The following AVEN variants were observed in gnomAD, a reference collection of about 807,000 sequenced individuals.
AVEN encodes the protein apoptosis and caspase activation inhibitor.
Under a neutral mutation model 38.1 loss-of-function variants are expected in AVEN, and 41 were observed. That is an observed-to-expected ratio of 1.08 (90% CI 0.84 to 1.40). The LOEUF (loss-of-function observed/expected upper bound fraction) is 1.40. AVEN is among the 40% of genes most tolerant of loss of function. The probability of loss-of-function intolerance (pLI) is 0.00; values close to 1 mark genes in which losing one functional copy is unlikely to be tolerated. For missense variants in AVEN, 605 were observed against 438.8 expected, an observed-to-expected ratio of 1.38 and a Z score of -3.38; for synonymous variants, 206 against 171.8, an observed-to-expected ratio of 1.20 and a Z score of -1.56.
intron 2 of AVEN, among the ~76,000 whole-genome samples, chr15:33,983,284 A>AT (rs1324936082): frequency 5.9e-5 from 9 of 151,514 alleles, no homozygotes; most frequent in African/African-American, 2.2e-4. Flanking sequence ...ATGACAAAAG[A>AT]TAAAATAAGC....
At chr15:33,948,101 C>CT (rs149409619) in intron 2 of AVEN, among the ~76,000 whole-genome samples, 16,098 of 139,460 alleles carry the variant, frequency 0.12, 1,302 homozygotes, top group South Asian at 0.25. Flanking sequence ...TTTTTCTTTT[C>CT]TTTTTTTTTT....
At chr15:33,997,304 T>A (rs586062) in intron 2 of AVEN, among the ~76,000 whole-genome samples, 145,453 of 152,168 alleles carry the variant, frequency 0.96, 69,864 homozygotes, top group East Asian at 1. Context: ...TCAAGACTAC[T>A]TTTTTTTTAA....
chr15:34,033,937 G>A (rs2684939), intron 1 of AVEN, among the ~76,000 whole-genome samples: 70,420 of 151,832 alleles, frequency 0.46, 19,523 homozygotes, highest in Non-Finnish European at 0.62. Context: ...ACAGGTGCGC[G>A]CCACCATGCC....
chr15:33,860,703 C>A (rs545747188), intron 11 of AVEN: 7 of 1,338,636 alleles, frequency 5.2e-6, no homozygotes, highest in South Asian at 2.6e-5. Flanking sequence ...TTTTAATATC[C>A]CCAGAAGCAA....
intron 3 of AVEN, among the ~76,000 whole-genome samples, chr15:33,874,333 C>G (rs1020766443): frequency 2.0e-5 from 3 of 152,276 alleles, no homozygotes; most frequent in Middle Eastern, 3.4e-3. Context: ...ACTGCTGGTA[C>G]TAACTAGCCC....
At chr15:33,864,622 C>G (rs1168654755), downstream of AVEN, 1 of 173,308 alleles carries the variant, frequency 5.8e-6, no homozygotes, top group East Asian at 1.6e-4. Flanking sequence ...AAGGATGTGT[C>G]AAATTTTGTG....
downstream of AVEN, chr15:33,854,663 C>T (rs955935513): frequency 1.4e-6 from 2 of 1,438,532 alleles, no homozygotes; most frequent in Non-Finnish European, 1.9e-6. Flanking sequence ...AGCACCTAAA[C>T]CCCCTCTATC....
chr15:33,874,106 A>C (rs1891122375), intron 3 of AVEN, among the ~76,000 whole-genome samples: 1 of 152,130 alleles, frequency 6.6e-6, no homozygotes, highest in Non-Finnish European at 1.5e-5. Flanking sequence ...GCTAAACAAA[A>C]CTTTGTTAAC....
downstream of AVEN, chr15:33,865,340 T>C (rs1597153365): frequency 9.6e-6 from 6 of 622,326 alleles, no homozygotes; most frequent in Admixed American, 1.7e-4. Context: ...ATGCCTCCCT[T>C]AAAAAAAAAA....
At chr15:33,896,251 AGAG>A (rs1054988813) in intron 2 of AVEN, among the ~76,000 whole-genome samples, 1 of 152,204 alleles carries the variant, frequency 6.6e-6, no homozygotes, top group African/African-American at 2.4e-5. Flanking sequence ...GGCCCCCTAA[AGAG>A]GAGAATGATC....
intron 1 of AVEN, among the ~76,000 whole-genome samples, chr15:34,005,799 C>T (rs1897313891): frequency 6.6e-6 from 1 of 152,140 alleles, no homozygotes; most frequent in Admixed American, 6.5e-5. Context: ...ATGAAATAGA[C>T]TAATTGGCCT....
At chr15:34,058,471 GGAGA>G (rs544211557) in intron 5 of AVEN, among the ~76,000 whole-genome samples, 2 of 150,532 alleles carry the variant, frequency 1.3e-5, no homozygotes, top group African/African-American at 4.9e-5. Flanking sequence ...TGAGAAATCA[GGAGA>G]GAGAGAGAGC....
At chr15:33,876,505 G>A (rs1425849063) in intron 2 of AVEN, among the ~76,000 whole-genome samples, 1 of 152,052 alleles carries the variant, frequency 6.6e-6, no homozygotes, top group African/African-American at 2.4e-5. Context: ...CCGGGAGGCG[G>A]AGGTTGCAGT....
chr15:33,906,866 T>C (rs1329164660), intron 2 of AVEN, among the ~76,000 whole-genome samples: 1 of 152,168 alleles, frequency 6.6e-6, no homozygotes, highest in Non-Finnish European at 1.5e-5. Context: ...AACTGTACAC[T>C]TAAAGATGAT....
rs760229937 is a variant in AVEN at position 33,899,949 on chromosome 15, T to TC, written c.446-23955dup. 4.7e-4 allele frequency among the ~76,000 whole-genome samples: 71 copies of TC among 151,518 alleles called. No homozygotes were observed. The East Asian group carries it at 9.7e-3, about 21-fold the overall frequency. ...AATCACAGTTCAGTTTTTTTTTTTT[T>TC]CACACACAAGTATAAAGTCATGTGC... is the stretch of plus-strand genomic sequence containing the variant. On this transcript the variant is annotated intron_variant, in intron 2 of 5. Coordinates refer to ENST00000306730, the MANE Select transcript of AVEN (RefSeq NM_020371.3).
At chr15:33,901,996 TTTTG>T (rs1309455714) in intron 2 of AVEN, among the ~76,000 whole-genome samples, 3 of 152,190 alleles carry the variant, frequency 2.0e-5, no homozygotes, top group African/African-American at 7.2e-5. Context: ...TGGTTTTTTG[TTTTG>T]TTTGTTTTGC....
At chr15:33,912,711 G>T (rs991732155) in intron 2 of AVEN, among the ~76,000 whole-genome samples, 5 of 152,132 alleles carry the variant, frequency 3.3e-5, no homozygotes, top group African/African-American at 4.8e-5. Context: ...ATTGTCACAA[G>T]ACTGGTGACA....
At chr15:33,874,431 C>T (rs1218604568) in intron 3 of AVEN, among the ~76,000 whole-genome samples, 1 of 152,106 alleles carries the variant, frequency 6.6e-6, no homozygotes, top group Non-Finnish European at 1.5e-5. Context: ...CTGATCTTAC[C>T]ATTTTCATGT....
chr15:33,867,453 C>G (rs1365995247), intron 5 of AVEN, 42 bp downstream of exon 5: 2 of 1,534,888 alleles, frequency 1.3e-6, no homozygotes, highest in Non-Finnish European at 1.7e-6. Flanking sequence ...CTTGAAAAAA[C>G]ACCAGAATCA....
Sources: gnomAD v4.1 joint callset for allele counts (sites outside exome capture counted in the v4.1 genomes callset) on GRCh38, gnomAD v4.1.1 for gene constraint, MANE v1.5 for transcripts, NCBI Gene and HGNC (gene_info 2026-07-23, HGNC 2026-07-21) for gene names.